Variants in PHACTR4 observed in about 807,000 individuals in gnomAD.
PHACTR4 encodes protein phosphatase 1, regulatory subunit 124.
Under a neutral mutation model 72.7 loss-of-function variants are expected in PHACTR4, and 51 were observed. The ratio of observed to expected loss-of-function variants is 0.70; its 90% CI spans 0.56 to 0.89. The LOEUF (loss-of-function observed/expected upper bound fraction) is 0.89, where lower values mean the gene tolerates loss of function less well. PHACTR4 is among the 40% of genes least tolerant of loss of function. The pLI is 0.00. For synonymous variants in PHACTR4, 255 were observed against 302.5 expected (o/e 0.84, Z 1.63); for missense variants, 731 against 861.8 (o/e 0.85, Z 1.90).
Position 28,369,761 on chromosome 1 carries a change from C to G in PHACTR4, c.-103C>G. On this transcript the variant is annotated 5_prime_UTR_variant, in exon 1 of 14. Transcript: ENST00000373839. ...GCTCCGGCTGCTGCCTGGCGGCCAA[C>G]GGGCCAGGTAGGATTTCCGGGAGAG... is the stretch of plus-strand genomic sequence containing the variant. 2.2e-6 allele frequency: 1 copy of G among 445,534 alleles called. No individual in the cohort carries two copies. Among genetic ancestry groups the G allele is most frequent in the Non-Finnish European group, 4.5e-6 (1 of 223,918 alleles). 27.6% of individuals were successfully genotyped at this position (445,534 alleles called of 1,614,324 possible). A position where few individuals can be genotyped will look rare whatever the true frequency, so the allele number is the denominator to read the frequency against.
intron 2 of PHACTR4, among the ~76,000 whole-genome samples, chr1:28,432,309 C>T (rs1656321032): frequency 6.6e-6 from 1 of 151,308 alleles, no homozygotes; most frequent in South Asian, 2.1e-4. Flanking sequence ...AGGTCGGGTG[C>T]AGTGGCTCAT....
intron 2 of PHACTR4, among the ~76,000 whole-genome samples, chr1:28,430,036 T>A (rs1434066942): frequency 1.3e-5 from 2 of 152,098 alleles, no homozygotes; most frequent in Non-Finnish European, 2.9e-5. Context: ...TTCTTTTTTT[T>A]TTTTGAGACA....
intron 2 of PHACTR4, chr1:28,438,410 C>T (rs200866975): frequency 5.0e-6 from 8 of 1,612,636 alleles, no homozygotes; most frequent in Admixed American, 1.7e-5. Flanking sequence ...GTCTCCAGAC[C>T]GGTAAATCCA....
Position 28,378,198 on chromosome 1 carries a change from T to TAAAAAAAA in PHACTR4, c.-39+8384_-39+8391dup, listed in dbSNP as rs60280611. On this transcript the variant is annotated intron_variant, in intron 1 of 13. Transcript: ENST00000373839. The stretch of plus-strand genomic sequence containing the variant: ...GGTGACAGAGCGAGACTCCATCTCA[T>TAAAAAAAA]AAAAAAAAAAAAAAAAAATTTGGCC... Among the ~76,000 whole-genome samples, 168 of 76,382 alleles carry TAAAAAAAA rather than the reference T, an allele frequency of 2.2e-3. 6 individuals are homozygous for TAAAAAAAA. Among genetic ancestry groups the TAAAAAAAA allele is most frequent in the African/African-American group, 8.0e-3 (126 of 15,798 alleles). The allele number at this position is 76,382 out of a possible 152,430, so 50.1% of individuals were successfully genotyped here. A position where few individuals can be genotyped will look rare whatever the true frequency, so the allele number is the denominator to read the frequency against.
chr1:28,395,555 G>A (rs1031778062), intron 1 of PHACTR4, among the ~76,000 whole-genome samples: 1 of 151,114 alleles, frequency 6.6e-6, no homozygotes, highest in African/African-American at 2.4e-5. Flanking sequence ...AAAGAAGAAA[G>A]TTTCATTTTT....
chr1:28,427,251 C>T (rs1337985154), intron 2 of PHACTR4, among the ~76,000 whole-genome samples: 4 of 152,110 alleles, frequency 2.6e-5, no homozygotes, highest in South Asian at 2.1e-4. Flanking sequence ...TTTGGCCGGA[C>T]GCAGTGGCTC....
At chr1:28,415,058 C>T (rs1230956911) in intron 2 of PHACTR4, among the ~76,000 whole-genome samples, 1 of 151,872 alleles carries the variant, frequency 6.6e-6, no homozygotes, top group African/African-American at 2.4e-5. Flanking sequence ...CTCAGGAATT[C>T]GAGACCAGCC....
intron 10 of PHACTR4, 53 bp from the exon 11 acceptor site, chr1:28,490,898 A>G: frequency 1.2e-5 from 18 of 1,516,998 alleles, no homozygotes; most frequent in Non-Finnish European, 1.6e-5. Context: ...AACGTTTGAT[A>G]TGCAAATTGT....
chr1:28,383,532 G>A (rs6690026), intron 1 of PHACTR4, among the ~76,000 whole-genome samples: 58,591 of 151,848 alleles, frequency 0.39, 12,997 homozygotes, highest in African/African-American at 0.6. Context: ...TCTTTGAGCA[G>A]TGTTTTGTAG....
intron 9 of PHACTR4, among the ~76,000 whole-genome samples, chr1:28,484,500 GTATA>G (rs747362489): frequency 6.7e-6 from 1 of 150,166 alleles, no homozygotes; most frequent in East Asian, 1.9e-4. Context: ...GTGTGTATGT[GTATA>G]TATATGTGTG....
chr1:28,499,404 G>A lies in PHACTR4; in HGVS notation c.*2855G>A, dbSNP rs1304091548. 1.3e-5 allele frequency: 2 copies of A among 152,208 alleles called. No homozygotes were observed. The highest frequency in any genetic ancestry group is 2.9e-5 in the Non-Finnish European group (2 of 68,192). 9.4% of individuals were successfully genotyped at this position (152,208 alleles called of 1,614,324 possible). A position where few individuals can be genotyped will look rare whatever the true frequency, so the allele number is the denominator to read the frequency against. ...CCCACCTCAGCCTCCCAAAGTGGTG[G>A]GATTACAGGCATGAGCCACCGTGCC... On this transcript the variant is annotated 3_prime_UTR_variant, in exon 14 of 14. Coordinates refer to ENST00000373839, the MANE Select transcript of PHACTR4 (RefSeq NM_001048183.3).
chr1:28,393,528 T>C (rs1260905335), intron 1 of PHACTR4, among the ~76,000 whole-genome samples: 1 of 152,194 alleles, frequency 6.6e-6, no homozygotes, highest in African/African-American at 2.4e-5. Flanking sequence ...CTCACGTTTG[T>C]GGTAATGCTG....
intron 4 of PHACTR4, among the ~76,000 whole-genome samples, chr1:28,461,528 A>G (rs751121769): frequency 6.6e-6 from 1 of 152,226 alleles, no homozygotes; most frequent in African/African-American, 2.4e-5. Context: ...TGGGCTTTAA[A>G]CCATGCGAAT....
At chr1:28,386,677 A>G (rs760973464) in intron 1 of PHACTR4, among the ~76,000 whole-genome samples, 18 of 152,126 alleles carry the variant, frequency 1.2e-4, no homozygotes, top group Admixed American at 5.9e-4. Context: ...ATGCTATCCA[A>G]TTATTTTCAG....
Position 28,412,246 on chromosome 1 carries a change from A to G in PHACTR4, c.16+4783A>G, listed in dbSNP as rs569679668. 2.6e-5 allele frequency among the ~76,000 whole-genome samples: 4 copies of G among 152,324 alleles called. No individual in the cohort carries two copies. In the East Asian group the frequency reaches 7.7e-4, roughly 29 times the overall value. Reference sequence around the variant, plus strand: ...TATTAGTGACAGGCTTACTTTTGAGAAAATGCCTGTCAGCTATCTAAGCTT... The same window carrying G: ...TATTAGTGACAGGCTTACTTTTGAGGAAATGCCTGTCAGCTATCTAAGCTT... On this transcript the variant is annotated intron_variant, in intron 2 of 13. Transcript: ENST00000373839.
At chr1:28,491,517 C>T in intron 11 of PHACTR4, 133 bp from the exon 12 acceptor site, 1 of 1,237,962 alleles carries the variant, frequency 8.1e-7, no homozygotes. Flanking sequence ...GTGGGACCTC[C>T]AGGGATCAAT....
intron 8 of PHACTR4, among the ~76,000 whole-genome samples, chr1:28,479,397 G>T (rs1329791764): frequency 6.9e-6 from 1 of 144,358 alleles, no homozygotes; most frequent in Non-Finnish European, 1.5e-5. Flanking sequence ...TCCAGCCGGG[G>T]TCACAGAGCG....
At chr1:28,442,989 C>T (rs1657151560) in intron 2 of PHACTR4, among the ~76,000 whole-genome samples, 1 of 152,144 alleles carries the variant, frequency 6.6e-6, no homozygotes, top group Non-Finnish European at 1.5e-5. Flanking sequence ...TAACTATAGT[C>T]ATTCTGCAGT....
chr1:28,404,951 C>T (rs1412426591), intron 1 of PHACTR4, among the ~76,000 whole-genome samples: 1 of 151,942 alleles, frequency 6.6e-6, no homozygotes, highest in African/African-American at 2.4e-5. Flanking sequence ...TCTGTTGTTC[C>T]CCTCCTAGTA....
Sources: allele counts gnomAD v4.1 joint callset (sites outside exome capture counted in the v4.1 genomes callset), GRCh38; gene constraint gnomAD v4.1.1; transcripts MANE v1.5; gene names NCBI Gene and HGNC (gene_info 2026-07-23, HGNC 2026-07-21).